SLC14A2: variants seen among roughly 807,000 people sequenced by gnomAD.
SLC14A2 encodes the protein urea transporter 2.
A neutral mutation model predicts 104.6 loss-of-function variants in SLC14A2; 91 were observed. The observed-to-expected ratio is 0.87, with a 90% confidence interval of 0.73 to 1.04. The LOEUF (loss-of-function observed/expected upper bound fraction) is 1.04. SLC14A2 is among the 50% of genes least tolerant of loss of function. The probability of loss-of-function intolerance (pLI) is 0.00; values close to 1 mark genes in which losing one functional copy is unlikely to be tolerated. For missense variants in SLC14A2, 1,189 were observed against 1,156.0 expected (o/e 1.03, Z -0.41); for synonymous variants, 476 against 466.4 (o/e 1.02, Z -0.27).
intron 2 of SLC14A2, among the ~76,000 whole-genome samples, chr18:45,574,277 T>C (rs540845172): frequency 4.5e-4 from 69 of 152,194 alleles, no homozygotes; most frequent in African/African-American, 1.6e-3. Flanking sequence ...GGAGAAGTAG[T>C]GAAGGGGCTT....
intron 2 of SLC14A2, among the ~76,000 whole-genome samples, chr18:45,532,179 TGC>T (rs1555701562): frequency 6.6e-6 from 1 of 152,190 alleles, no homozygotes; most frequent in Non-Finnish European, 1.5e-5. Flanking sequence ...GACTTGGCAG[TGC>T]GGGCTCTTTT....
intron 1 of SLC14A2, among the ~76,000 whole-genome samples, chr18:45,349,620 G>T (rs1049952824): frequency 2.0e-5 from 3 of 152,206 alleles, no homozygotes; most frequent in African/African-American, 7.2e-5. Context: ...CTCACAGGTT[G>T]CGCAGTGAAT....
intron 2 of SLC14A2, among the ~76,000 whole-genome samples, chr18:45,489,192 G>A (rs1453629645): frequency 6.6e-6 from 1 of 152,100 alleles, no homozygotes; most frequent in African/African-American, 2.4e-5. Flanking sequence ...TTCTTATAGG[G>A]CTTCACATTT....
intron 10 of SLC14A2, among the ~76,000 whole-genome samples, chr18:45,649,136 T>C (rs2045683688): frequency 6.6e-6 from 1 of 152,228 alleles, no homozygotes; most frequent in African/African-American, 2.4e-5. Flanking sequence ...GATCGTGCAC[T>C]GCACTCCAGC....
intron 2 of SLC14A2, among the ~76,000 whole-genome samples, chr18:45,527,380 C>G (rs2043608986): frequency 6.6e-6 from 1 of 152,110 alleles, no homozygotes; most frequent in Non-Finnish European, 1.5e-5. Flanking sequence ...AACTCACACC[C>G]CTTTAGATGT....
intron 1 of SLC14A2, among the ~76,000 whole-genome samples, chr18:45,420,641 A>G (rs1352403918): frequency 1.3e-5 from 2 of 152,206 alleles, no homozygotes. Context: ...AATGGTTGAT[A>G]ATAGGAAAGG....
intron 1 of SLC14A2, among the ~76,000 whole-genome samples, chr18:45,408,633 C>A (rs1314228378): frequency 6.6e-6 from 1 of 152,048 alleles, no homozygotes; most frequent in Non-Finnish European, 1.5e-5. Context: ...ATTAATGAGG[C>A]CATTAATTAA....
At chr18:45,386,266 A>C (rs2085895465) in intron 1 of SLC14A2, among the ~76,000 whole-genome samples, 1 of 152,168 alleles carries the variant, frequency 6.6e-6, no homozygotes, top group Non-Finnish European at 1.5e-5. Context: ...ACCCAAACTG[A>C]AGGGTCAAAT....
intron 10 of SLC14A2, among the ~76,000 whole-genome samples, chr18:45,644,647 T>C (rs905869771): frequency 1.3e-5 from 2 of 152,088 alleles, no homozygotes; most frequent in Non-Finnish European, 2.9e-5. Flanking sequence ...GAGAGGAATT[T>C]CACACTGATG....
intron 2 of SLC14A2, among the ~76,000 whole-genome samples, chr18:45,568,807 C>T (rs946426509): frequency 6.6e-6 from 1 of 152,166 alleles, no homozygotes; most frequent in Non-Finnish European, 1.5e-5. Flanking sequence ...GTCGTTACTG[C>T]AGCATAACCT....
At chr18:45,577,309 A>G (rs1295841349) in intron 2 of SLC14A2, among the ~76,000 whole-genome samples, 1 of 150,274 alleles carries the variant, frequency 6.7e-6, no homozygotes, top group Admixed American at 6.6e-5. Context: ...GCTACAAGAT[A>G]GCTCCAGGAA....
intron 10 of SLC14A2, among the ~76,000 whole-genome samples, chr18:45,654,430 G>A (rs570481763): frequency 2.6e-5 from 4 of 152,242 alleles, no homozygotes; most frequent in South Asian, 2.1e-4. Context: ...CTGCGTGCAG[G>A]AAATCAAAAG....
chr18:45,660,599 T>C (rs963839994), intron 10 of SLC14A2, among the ~76,000 whole-genome samples: 3 of 152,266 alleles, frequency 2.0e-5, no homozygotes, highest in African/African-American at 7.2e-5. Flanking sequence ...AGGGTCTGTA[T>C]ATTTCTTTCT....
Position 45,488,650 on chromosome 18 carries a change from G to A in SLC14A2, c.-35+5328G>A, listed in dbSNP as rs886920036. Among the ~76,000 whole-genome samples, 5 of 152,308 alleles carry A rather than the reference G, an allele frequency of 3.3e-5. No individual in the cohort carries two copies. The South Asian group carries it at 1.0e-3, about 32-fold the overall frequency. ...AAGCCCAAGTCTGATCCTGGTGCAG[G>A]AAATGAAGATGCTCTGGTCACCTGA... On this transcript the variant is annotated intron_variant, in intron 2 of 20. Transcript: ENST00000586448.
intron 1 of SLC14A2, among the ~76,000 whole-genome samples, chr18:45,236,955 C>G (rs2084260982): frequency 6.6e-6 from 1 of 152,066 alleles, no homozygotes; most frequent in Admixed American, 6.6e-5. Flanking sequence ...ACCCTGGGGC[C>G]TGGAAGTCTT....
At chr18:45,641,387 C>G in intron 8 of SLC14A2, 44 bp downstream of exon 8, 1 of 1,608,766 alleles carries the variant, frequency 6.2e-7, no homozygotes, top group Non-Finnish European at 8.5e-7. Flanking sequence ...TCTGGCTATT[C>G]CTTCCCCCCT....
chr18:45,263,198 G>T (rs758312725), intron 1 of SLC14A2, among the ~76,000 whole-genome samples: 3 of 152,188 alleles, frequency 2.0e-5, no homozygotes, highest in Admixed American at 6.5e-5. Context: ...TACTTTTGAA[G>T]AGTCTTGGTC....
At chr18:45,241,644 T>TC (rs2084318177) in intron 1 of SLC14A2, among the ~76,000 whole-genome samples, 2 of 145,742 alleles carry the variant, frequency 1.4e-5, no homozygotes, top group South Asian at 4.3e-4. Context: ...TTTCTCTTTT[T>TC]TTTTTTTTTT....
chr18:45,516,444 G>T (rs2043442540), intron 2 of SLC14A2, among the ~76,000 whole-genome samples: 1 of 152,158 alleles, frequency 6.6e-6, no homozygotes, highest in African/African-American at 2.4e-5. Flanking sequence ...TAAAAGGAAG[G>T]TCCTAGACAG....
Sources: allele counts gnomAD v4.1 joint callset (sites outside exome capture counted in the v4.1 genomes callset), GRCh38; gene constraint gnomAD v4.1.1; transcripts MANE v1.5; gene names NCBI Gene and HGNC (gene_info 2026-07-23, HGNC 2026-07-21).